ABCC2: variants seen among roughly 807,000 people sequenced by gnomAD.
ABCC2 encodes the protein ATP binding cassette subfamily C member 2, also known as ATP-binding cassette sub-family C member 2.
In ABCC2, 157 loss-of-function variants were observed where a neutral mutation model predicts 173.4. The observed-to-expected ratio is 0.91, with a 90% CI of 0.80 to 1.03. The LOEUF (loss-of-function observed/expected upper bound fraction) is 1.03. Among genes scored for constraint, ABCC2 ranks in the 50% least tolerant of loss-of-function variants. The pLI is 0.00. For missense variants in ABCC2, 1,822 were observed against 1,852.3 expected (o/e 0.98, Z 0.30); for synonymous variants, 657 against 693.5 (o/e 0.95, Z 0.83).
intron 1 of ABCC2, among the ~76,000 whole-genome samples, chr10:99,783,148 T>TA (rs1353939196): frequency 6.6e-6 from 1 of 152,194 alleles, no homozygotes; most frequent in African/African-American, 2.4e-5. Flanking sequence ...GAGAAACAGG[T>TA]AAAAACCTTC....
intron 1 of ABCC2, 109 bp downstream of exon 1, chr10:99,782,986 A>G (rs1247388634): frequency 2.8e-6 from 3 of 1,070,724 alleles, no homozygotes; most frequent in African/African-American, 3.1e-5. Flanking sequence ...TAGATGTGCA[A>G]TTGGTCTAAA....
intron 9 of ABCC2, among the ~76,000 whole-genome samples, chr10:99,801,705 CTT>C (rs1485804028): frequency 1.3e-5 from 2 of 152,168 alleles, no homozygotes; most frequent in Non-Finnish European, 2.9e-5. Context: ...AGGTTCCAAT[CTT>C]TTTATAAGTT....
rs539415775 is a variant in ABCC2, at chr10:99,797,752, A to G, written c.867+421A>G. 38 of 239,472 alleles carry G rather than the reference A, an allele frequency of 1.6e-4. No individual in the cohort carries two copies. The South Asian group carries it at 2.2e-3, about 14-fold the overall frequency. The allele number at this position is 239,472 out of a possible 1,614,324, so 14.8% of individuals were successfully genotyped here. A position where few individuals can be genotyped will look rare whatever the true frequency, so the allele number is the denominator to read the frequency against. ...TAGAAAATATGTAGTAAGCCCATAC[A>G]TAGGTTACTCTTTGAAAGTAATAAT... On this transcript the variant is annotated intron_variant, in intron 7 of 31. Transcript: ENST00000647814.
At position 99,793,872 on chromosome 10, in the gene ABCC2, CTTTG is replaced by C. The variant is rs1564670953; in HGVS notation, c.469-16_469-13del. ...TTTGGACAAAAGGCTCATTTTTCCT[CTTTG>C]TTTTTTTCCTCATAGGGTGACAATT... On this transcript the variant is annotated splice_polypyrimidine_tract_variant and intron_variant, in intron 4 of 31. Coordinates refer to ENST00000647814, the MANE Select transcript of ABCC2 (RefSeq NM_000392.5). 1.0e-5 allele frequency: 16 copies of C among 1,604,102 alleles called. No homozygotes were observed. The highest frequency in any genetic ancestry group is 1.4e-5 in the Non-Finnish European group (16 of 1,171,042).
chr10:99,804,277 A>G lies in ABCC2; in HGVS notation c.1464+4A>G, dbSNP rs753102845. ...CACCAAGAGTAAGACCATTCAGGTA[A>G]AGAAAAAGTCACCCAGAAGAATATA... is the stretch of plus-strand genomic sequence containing the variant. On this transcript the variant is annotated splice_donor_region_variant and intron_variant, in intron 10 of 31. Transcript: ENST00000647814. The G allele has an allele frequency of 3.1e-6, 5 of 1,614,110 alleles. No individual in the cohort carries two copies. In the South Asian group the frequency reaches 3.3e-5, roughly 11 times the overall value.
intron 29 of ABCC2, 75 bp downstream of exon 29, chr10:99,845,857 T>C: frequency 1.4e-6 from 2 of 1,477,872 alleles, no homozygotes; most frequent in African/African-American, 1.4e-5. Flanking sequence ...CAGCTTCTTC[T>C]TGATGTCTGT....
chr10:99,825,810 A>G (rs1441741646), intron 19 of ABCC2, among the ~76,000 whole-genome samples: 1 of 152,204 alleles, frequency 6.6e-6, no homozygotes, highest in Non-Finnish European at 1.5e-5. Flanking sequence ...TGTATAGTAC[A>G]TAAATCTACT....
chr10:99,814,259 A>ATG, intron 16 of ABCC2, among the ~76,000 whole-genome samples: 1 of 32,098 alleles, frequency 3.1e-5, no homozygotes, highest in Non-Finnish European at 6.5e-5. Flanking sequence ...GTATGTATAC[A>ATG]CACGTATGTA....
At chr10:99,844,625 A>G (rs1488142388) in intron 28 of ABCC2, among the ~76,000 whole-genome samples, 160 bp downstream of exon 28, 3 of 152,268 alleles carry the variant, frequency 2.0e-5, no homozygotes, top group African/African-American at 7.2e-5. Context: ...ACAGTATCAG[A>G]GGGAAGGATA....
chr10:99,839,109 C>T (rs2038884425), intron 25 of ABCC2, among the ~76,000 whole-genome samples: 1 of 142,322 alleles, frequency 7.0e-6, no homozygotes, highest in Non-Finnish European at 1.6e-5. Context: ...CCACCTCCCT[C>T]CCGGACGGGG....
intron 14 of ABCC2, 24 bp from the exon 15 acceptor site, chr10:99,811,512 T>TA: frequency 6.2e-7 from 1 of 1,613,822 alleles, no homozygotes; most frequent in Non-Finnish European, 8.5e-7. Context: ...TACATTGGAC[T>TA]AAAAGAGGGC....
At chr10:99,835,736 C>A (rs373849496) in intron 24 of ABCC2, among the ~76,000 whole-genome samples, 2 of 152,136 alleles carry the variant, frequency 1.3e-5, no homozygotes, top group African/African-American at 4.8e-5. Flanking sequence ...TTTTGGGGAC[C>A]TTTTCTCTAA....
At chr10:99,831,946 A>G (rs759604835) in intron 22 of ABCC2, 31 bp from the exon 23 acceptor site, 31 of 1,614,064 alleles carry the variant, frequency 1.9e-5, no homozygotes, top group African/African-American at 1.9e-4. Flanking sequence ...ATTCCTGTGC[A>G]TGGTGCTGAC....
intron 2 of ABCC2, 47 bp downstream of exon 2, chr10:99,784,828 G>A (rs781539707): frequency 6.2e-7 from 1 of 1,600,562 alleles, no homozygotes; most frequent in Non-Finnish European, 8.6e-7. Context: ...TTGGTGCACA[G>A]TAGAGACATT....
chr10:99,806,077 C>CTCTCTCTGTGTGTGTGTGTGTGTGTG (rs10644836), intron 11 of ABCC2, among the ~76,000 whole-genome samples: 21 of 148,146 alleles, frequency 1.4e-4, no homozygotes, highest in Middle Eastern at 3.5e-3. Context: ...CTCTCTCTGT[C>CTCTCTCTGTGTGTGTGTGTGTGTGTG]TGTGTGTGTG....
At chr10:99,847,224 T>A in intron 30 of ABCC2, 97 bp downstream of exon 30, 1 of 1,395,512 alleles carries the variant, frequency 7.2e-7, no homozygotes, top group Non-Finnish European at 1.0e-6. Flanking sequence ...GGCATAGAAT[T>A]TTCATCCAGG....
At chr10:99,796,684 C>T (rs1384063050) in intron 6 of ABCC2, among the ~76,000 whole-genome samples, 9 of 151,160 alleles carry the variant, frequency 6.0e-5, no homozygotes, top group African/African-American at 2.2e-4. Context: ...GACTCTGTCT[C>T]AAAAAAAACA....
At position 99,788,127 on chromosome 10, in the gene ABCC2, C is replaced by G. The variant is rs112812577; in HGVS notation, c.207+3346C>G. On this transcript the variant is annotated intron_variant, in intron 2 of 31. Coordinates refer to ENST00000647814, the MANE Select transcript of ABCC2 (RefSeq NM_000392.5). ...CAGTACTCTAGTCACTCATTCATGT[C>G]TTAGTTGGCAACCATTGATACCAGT... 6.8e-3 allele frequency among the ~76,000 whole-genome samples: 1,032 copies of G among 152,182 alleles called. 8 individuals are homozygous for G. The highest frequency in any genetic ancestry group is 0.023 in the African/African-American group (960 of 41,520).
chr10:99,803,967 C>T (rs1020343198), intron 9 of ABCC2, 52 bp from the exon 10 acceptor site: 1 of 1,611,656 alleles, frequency 6.2e-7, no homozygotes, highest in Admixed American at 1.7e-5. Context: ...TCTTCTACTC[C>T]CTAGTATCCT....
Sources: gnomAD v4.1 joint callset for allele counts (sites outside exome capture counted in the v4.1 genomes callset) on GRCh38, gnomAD v4.1.1 for gene constraint, MANE v1.5 for transcripts, NCBI Gene and HGNC (gene_info 2026-07-23, HGNC 2026-07-21) for gene names.